CP: variants seen among roughly 807,000 people sequenced by gnomAD.
CP encodes the protein caeruloplasmin.
A neutral mutation model predicts 122.4 loss-of-function variants in CP; 64 were observed. That is an observed-to-expected ratio of 0.52 (90% CI 0.43 to 0.64). CP has a LOEUF of 0.64. CP is among the 30% of genes least tolerant of loss of function. The pLI is 0.00. For synonymous variants in CP, 440 were observed against 436.4 expected (o/e 1.01, Z -0.10); for missense variants, 1,167 against 1,284.4 (o/e 0.91, Z 1.40).
chr3:149,208,604 G>A (rs1243171747), intron 4 of CP, among the ~76,000 whole-genome samples: 1 of 152,090 alleles, frequency 6.6e-6, no homozygotes, highest in African/African-American at 2.4e-5. Flanking sequence ...TGGTCTAGTT[G>A]TTGTTAAGGG....
At chr3:149,196,697 C>T (rs1057155324) in intron 9 of CP, among the ~76,000 whole-genome samples, 1 of 152,096 alleles carries the variant, frequency 6.6e-6, no homozygotes, top group African/African-American at 2.4e-5. Flanking sequence ...TAACACACCA[C>T]ATATGCTTAA....
In CP at chr3:149,202,090, G is replaced by T; in HGVS notation, c.1348+12C>A. On this transcript the variant is annotated intron_variant, in intron 7 of 18. Coordinates refer to ENST00000264613, the MANE Select transcript of CP (RefSeq NM_000096.4). ...AGAGTAAACCAGCCATATATATTCT[G>T]CAAGAACTCACCCAGGATGCCAAGA... is the stretch of plus-strand genomic sequence containing the variant. 1 of 1,613,930 alleles carries T rather than the reference G, an allele frequency of 6.2e-7. No individual in the cohort carries two copies. Among genetic ancestry groups the T allele is most frequent in the Non-Finnish European group, 8.5e-7 (1 of 1,179,872 alleles).
chr3:149,186,364 C>A, intron 11 of CP, 156 bp downstream of exon 11: 1 of 713,770 alleles, frequency 1.4e-6, no homozygotes, highest in Non-Finnish European at 2.5e-6. Flanking sequence ...CATACTTCAG[C>A]TGATAGTGGC....
In CP at chr3:149,186,671, G is replaced by C. The variant is rs757472310; in HGVS notation, c.1926C>G (p.Val642=). The change falls in exon 11 of 19, where the codon GTC becomes GTG. Residue 642 remains valine (V), a synonymous_variant. Transcript: ENST00000264613. ...TTCCGGCGCTGAATAAGTACCACAC[G>C]ACCGAATCTCCTTTGCACATAGTGA... The part of the protein sequence containing the change: ...PGLTMCKGDS[V]VWYLFSAGNE... The C allele has an allele frequency of 3.1e-6, 5 of 1,614,064 alleles. No individual in the cohort carries two copies. The East Asian group carries it at 1.1e-4, about 36-fold the overall frequency.
chr3:149,198,649 T>A, intron 8 of CP, 71 bp from the exon 9 acceptor site: 1 of 1,341,094 alleles, frequency 7.5e-7, no homozygotes, highest in Non-Finnish European at 1.1e-6. Context: ...CAAAGTAGAC[T>A]AAGTTTAGTC....
intron 3 of CP, 86 bp downstream of exon 3, chr3:149,210,081 C>G: frequency 7.4e-7 from 1 of 1,352,326 alleles, no homozygotes. Context: ...AATCTCAGCA[C>G]AGAAGACTTG....
intron 8 of CP, among the ~76,000 whole-genome samples, chr3:149,199,056 A>G (rs1727112106): frequency 6.6e-6 from 1 of 152,220 alleles, no homozygotes; most frequent in African/African-American, 2.4e-5. Context: ...TTTACATTTG[A>G]ATAACCTGTT....
At chr3:149,170,871 T>C (rs1354259965), downstream of CP, among the ~76,000 whole-genome samples, 2 of 152,204 alleles carry the variant, frequency 1.3e-5, no homozygotes, top group East Asian at 1.9e-4. Context: ...ATTGGGAACA[T>C]TGTTCATAAC....
Position 149,192,441 on chromosome 3 carries a change from T to C in CP, c.1714-4239A>G, listed in dbSNP as rs192518823. On this transcript the variant is annotated intron_variant, in intron 9 of 18. Coordinates refer to ENST00000264613, the MANE Select transcript of CP (RefSeq NM_000096.4). Reference sequence around the variant, plus strand: ...AGATACTGACTAAACTGTAGATGAATATTTACTTACCTATAGAATAGAAAA... The same window carrying C: ...AGATACTGACTAAACTGTAGATGAACATTTACTTACCTATAGAATAGAAAA... 1.1e-4 allele frequency among the ~76,000 whole-genome samples: 17 copies of C among 151,868 alleles called. No individual in the cohort carries two copies. The East Asian group carries it at 3.3e-3, about 29-fold the overall frequency.
At chr3:149,213,744 C>A (rs1340258356) in intron 1 of CP, among the ~76,000 whole-genome samples, 1 of 151,978 alleles carries the variant, frequency 6.6e-6, no homozygotes, top group Non-Finnish European at 1.5e-5. Flanking sequence ...GCCGAGTAAT[C>A]TGACTGAGGA....
rs1388683283 is a variant in CP at position 149,182,025 on chromosome 3, G to C, written c.2534C>G (p.Thr845Arg). ...HAHGVQTESS[T>R]VTPTLPGETL... ...AGTACCTGGTAATGTTGGAGTAACT[G>C]TAGAACTCTCTGTTTGTACCCCATG... is the stretch of plus-strand genomic sequence containing the variant. Residue 845 changes from threonine to arginine, a missense_variant, in exon 14 of 19, where the codon ACA becomes AGA. Transcript: ENST00000264613. 5 of 1,586,462 alleles carry C rather than the reference G, an allele frequency of 3.2e-6. No homozygotes were observed. Among genetic ancestry groups the C allele is most frequent in the Non-Finnish European group, 4.3e-6 (5 of 1,165,116 alleles).
At chr3:149,218,809 T>A (rs185865087) in intron 1 of CP, among the ~76,000 whole-genome samples, 1 of 152,226 alleles carries the variant, frequency 6.6e-6, no homozygotes, top group Non-Finnish European at 1.5e-5. Flanking sequence ...ATACTAGTAC[T>A]CTCAATGCAT....
chr3:149,171,816 C>T (rs370854176), downstream of CP, among the ~76,000 whole-genome samples: 35 of 151,394 alleles, frequency 2.3e-4, no homozygotes, highest in African/African-American at 7.0e-4. Context: ...GCAATTCTCC[C>T]GCCTCAGCCT....
intron 4 of CP, among the ~76,000 whole-genome samples, chr3:149,208,376 A>G (rs1189382734): frequency 6.6e-6 from 1 of 152,214 alleles, no homozygotes. Flanking sequence ...TCTTTTTATA[A>G]CAACTATTTT....
At chr3:149,208,243 C>G (rs1727873837) in intron 4 of CP, among the ~76,000 whole-genome samples, 1 of 152,070 alleles carries the variant, frequency 6.6e-6, no homozygotes, top group Non-Finnish European at 1.5e-5. Context: ...AACTTATGGT[C>G]ACTGTTCAAA....
chr3:149,203,047 C>T (rs1317802189), intron 6 of CP, among the ~76,000 whole-genome samples: 1 of 150,320 alleles, frequency 6.7e-6, no homozygotes, highest in African/African-American at 2.5e-5. Flanking sequence ...GCTGGGACTA[C>T]AGGCGCCCGC....
rs555339346 is a variant in CP, at chr3:149,186,592, C to G, written c.2005G>C (p.Gly669Arg). ...YFSGNTYLWR[G>R]ERRDTANLFP... ...AGGTTTGCTGTGTCTCTCCGTTCTC[C>G]TCTCCACAGATATGTGTTTCCTGAA... Residue 669 changes from glycine (G) to arginine (R), a missense_variant, in exon 11 of 19, where the codon GGA (glycine) becomes CGA (arginine). Physicochemically the swap from Gly to Arg is moderately radical, Grantham distance 125. Coordinates refer to ENST00000264613, the MANE Select transcript of CP (RefSeq NM_000096.4). 23 of 1,614,192 alleles carry G rather than the reference C, an allele frequency of 1.4e-5. No individual in the cohort carries two copies. In the East Asian group the frequency reaches 3.1e-4, roughly 22 times the overall value.
Position 149,188,211 on chromosome 3 carries a change from C to A in CP, c.1714-9G>T. Reference sequence around the variant, plus strand: ...TCCTTGTCTACATCTTTCTGTAAATCAAAACAAAATGAGATGGAGACAGAA... The same window carrying A: ...TCCTTGTCTACATCTTTCTGTAAATAAAAACAAAATGAGATGGAGACAGAA... On this transcript the variant is annotated splice_polypyrimidine_tract_variant and intron_variant, in intron 9 of 18. Coordinates refer to ENST00000264613, the MANE Select transcript of CP (RefSeq NM_000096.4). 1 of 1,607,992 alleles carries A rather than the reference C, an allele frequency of 6.2e-7. No homozygotes were observed. The highest frequency in any genetic ancestry group is 1.1e-5 in the South Asian group (1 of 90,912).
chr3:149,208,464 A>G (rs1468382294), intron 4 of CP, among the ~76,000 whole-genome samples: 1 of 152,218 alleles, frequency 6.6e-6, no homozygotes, highest in Non-Finnish European at 1.5e-5. Context: ...GTTGGAAACA[A>G]AATCTGTACT....
Sources: gnomAD v4.1 joint callset for allele counts (sites outside exome capture counted in the v4.1 genomes callset) on GRCh38, gnomAD v4.1.1 for gene constraint, MANE v1.5 for transcripts, NCBI Gene and HGNC (gene_info 2026-07-23, HGNC 2026-07-21) for gene names.